Variants in DYM observed in about 807,000 individuals in gnomAD.
The protein encoded by DYM is dymeclin.
In DYM, 78 loss-of-function variants were observed where a neutral mutation model predicts 93.1. The ratio of observed to expected loss-of-function variants is 0.84; its 90% confidence interval spans 0.70 to 1.01. The LOEUF (loss-of-function observed/expected upper bound fraction) is 1.01. Ranked by LOEUF, DYM falls within the 50% of genes least tolerant of loss-of-function variation. DYM has a pLI of 0.00. For missense variants in DYM, 789 were observed against 845.0 expected (o/e 0.93, Z 0.82); for synonymous variants, 321 against 319.7 (o/e 1.00, Z -0.04).
intron 1 of DYM, among the ~76,000 whole-genome samples, chr18:49,457,221 C>T (rs1333537976): frequency 3.3e-5 from 5 of 152,104 alleles, no homozygotes; most frequent in Admixed American, 3.3e-4. Context: ...TCTTTTGCTG[C>T]TGAAATGGGG....
intron 17 of DYM, among the ~76,000 whole-genome samples, chr18:49,063,618 TC>T (rs2076165406): frequency 1.7e-5 from 2 of 114,962 alleles, no homozygotes; most frequent in South Asian, 5.8e-4. Context: ...TCTTTCTCTC[TC>T]TTTTTTTTTT....
intron 8 of DYM, among the ~76,000 whole-genome samples, chr18:49,313,942 G>T (rs1473806588): frequency 6.6e-6 from 1 of 151,996 alleles, no homozygotes; most frequent in East Asian, 1.9e-4. Flanking sequence ...ACCTCCAAGG[G>T]CTATTGTAAA....
intron 8 of DYM, among the ~76,000 whole-genome samples, chr18:49,324,424 G>T (rs1307823236): frequency 6.6e-6 from 1 of 152,088 alleles, no homozygotes; most frequent in African/African-American, 2.4e-5. Context: ...ATAAGAAATG[G>T]TACCATAGTG....
rs573559252 is a variant in DYM, at chr18:49,448,653, G to T, written c.-54+11745C>A. ...AGGAAACACAGGGGGAAAAAAGCAG[G>T]GGGGATGCCCCCACTGCTTCCTCTC... On this transcript the variant is annotated intron_variant, in intron 1 of 17. Transcript: ENST00000675505. Among the ~76,000 whole-genome samples the T allele has an allele frequency of 1.2e-4, 18 of 152,250 alleles. 1 individual carries two copies. In the South Asian group the frequency reaches 3.7e-3, roughly 32 times the overall value.
intron 14 of DYM, among the ~76,000 whole-genome samples, chr18:49,190,896 CTTACT>C (rs1229533369): frequency 4.6e-5 from 7 of 152,152 alleles, no homozygotes; most frequent in Middle Eastern, 3.2e-3. Context: ...CTTTTCCCAG[CTTACT>C]TTATAGTAGA....
chr18:49,289,774 C>CACATATATATATATATATATATATATAT (rs2059977130), intron 8 of DYM, among the ~76,000 whole-genome samples: 1 of 37,098 alleles, frequency 2.7e-5, no homozygotes, highest in Non-Finnish European at 6.1e-5. Flanking sequence ...TATATATATA[C>CACATATATATATATATATATATATATAT]ACATATATAT....
intron 17 of DYM, among the ~76,000 whole-genome samples, chr18:49,091,728 ATATT>A (rs370531625): frequency 8.6e-5 from 13 of 151,888 alleles, no homozygotes; most frequent in African/African-American, 3.1e-4. Context: ...CAGTGATTTA[ATATT>A]TATTTATTTA....
chr18:49,086,999 T>TA (rs570738023), intron 17 of DYM, among the ~76,000 whole-genome samples: 86 of 146,138 alleles, frequency 5.9e-4, no homozygotes, highest in African/African-American at 7.3e-4. Context: ...AAAATAAAAA[T>TA]AAAAAAAAAA....
At chr18:49,423,442 G>C (rs1196583958) in intron 2 of DYM, among the ~76,000 whole-genome samples, 3 of 152,116 alleles carry the variant, frequency 2.0e-5, no homozygotes, top group Non-Finnish European at 4.4e-5. Flanking sequence ...AGAGAAAGCA[G>C]GAAAGATCTA....
intron 13 of DYM, among the ~76,000 whole-genome samples, chr18:49,215,289 C>T (rs938944703): frequency 1.3e-5 from 2 of 152,064 alleles, no homozygotes; most frequent in African/African-American, 4.8e-5. Flanking sequence ...TTTCAGATTC[C>T]TCGTCAGTCT....
chr18:49,275,133 T>G (rs1366784499), intron 10 of DYM, among the ~76,000 whole-genome samples: 1 of 152,186 alleles, frequency 6.6e-6, no homozygotes, highest in African/African-American at 2.4e-5. Flanking sequence ...TGACCCATTT[T>G]GAATTAACTT....
intron 8 of DYM, among the ~76,000 whole-genome samples, chr18:49,303,647 T>C (rs1174558328): frequency 1.3e-5 from 2 of 152,110 alleles, no homozygotes; most frequent in Non-Finnish European, 2.9e-5. Context: ...GGCTCTGAGG[T>C]ACCCACATGA....
chr18:49,397,864 A>G (rs904984603), intron 2 of DYM, among the ~76,000 whole-genome samples: 8 of 152,242 alleles, frequency 5.3e-5, no homozygotes, highest in African/African-American at 1.9e-4. Context: ...CTGGGGTTAA[A>G]TAAAATACAT....
chr18:49,380,582 T>G lies in DYM; in HGVS notation c.194-824A>C, dbSNP rs2067952085. On this transcript the variant is annotated intron_variant, in intron 3 of 17. Coordinates refer to ENST00000675505, the MANE Select transcript of DYM (RefSeq NM_001353214.3). ...TGCTCAAGGAAACATCCTTATCAAC[T>G]GGCTCAAATCTTTGACTTTAAACTG... 4.6e-5 allele frequency among the ~76,000 whole-genome samples: 7 copies of G among 152,344 alleles called. No homozygotes were observed. The South Asian group carries it at 1.5e-3, about 32-fold the overall frequency.
chr18:49,426,898 A>G (rs1312841553), intron 2 of DYM, among the ~76,000 whole-genome samples: 1 of 152,118 alleles, frequency 6.6e-6, no homozygotes, highest in South Asian at 2.1e-4. Flanking sequence ...GAAAATTGGT[A>G]AAGAAAAAAA....
intron 13 of DYM, among the ~76,000 whole-genome samples, chr18:49,254,670 C>T (rs868736435): frequency 5.2e-4 from 79 of 152,122 alleles, no homozygotes; most frequent in African/African-American, 1.9e-3. Context: ...AACATTTAAT[C>T]GTGCTAAATG....
At chr18:49,356,964 C>A (rs1000632315) in intron 6 of DYM, among the ~76,000 whole-genome samples, 1 of 151,854 alleles carries the variant, frequency 6.6e-6, no homozygotes, top group Admixed American at 6.6e-5. Flanking sequence ...AACAGAGAAC[C>A]CTAAAAATAA....
In DYM at chr18:49,067,640, G is replaced by A. The variant is rs1243857577; in HGVS notation, c.2026-23436C>T. Reference sequence around the variant, plus strand: ...GTTCAGAGAACTGGGAGGGATCAACGTTATCCTGAAACAATTGTCCATGCC... The same window carrying A: ...GTTCAGAGAACTGGGAGGGATCAACATTATCCTGAAACAATTGTCCATGCC... On this transcript the variant is annotated intron_variant, in intron 17 of 17. Coordinates refer to ENST00000675505, the MANE Select transcript of DYM (RefSeq NM_001353214.3). Among the ~76,000 whole-genome samples, 10 of 152,216 alleles carry A rather than the reference G, an allele frequency of 6.6e-5. No individual in the cohort carries two copies. The East Asian group carries it at 7.7e-4, about 12-fold the overall frequency.
At chr18:49,339,689 G>A (rs2063945780) in intron 6 of DYM, among the ~76,000 whole-genome samples, 3 of 152,296 alleles carry the variant, frequency 2.0e-5, no homozygotes, top group Middle Eastern at 3.4e-3. Flanking sequence ...AACTTCATGT[G>A]ACACCTTGAG....
Sources: gnomAD v4.1 joint callset for allele counts (sites outside exome capture counted in the v4.1 genomes callset) on GRCh38, gnomAD v4.1.1 for gene constraint, MANE v1.5 for transcripts, NCBI Gene and HGNC (gene_info 2026-07-23, HGNC 2026-07-21) for gene names.